The following IGSF10 variants were observed in gnomAD, a reference collection of about 807,000 sequenced individuals.
IGSF10 encodes the protein immunoglobulin superfamily member 10.
Under a neutral mutation model 128.2 loss-of-function variants are expected in IGSF10, and 126 were observed. The observed-to-expected ratio is 0.98, with a 90% CI of 0.85 to 1.14. The LOEUF (loss-of-function observed/expected upper bound fraction) is 1.14, where lower values mean the gene tolerates loss of function less well. Ranked by LOEUF, IGSF10 falls within the 50% of genes most tolerant of loss-of-function variation. The pLI, the probability that IGSF10 is intolerant of heterozygous loss-of-function variation, is 0.00. For synonymous variants in IGSF10, 1,185 were observed against 1,146.2 expected (o/e 1.03, Z -0.68); for missense variants, 3,295 against 3,149.8 (o/e 1.05, Z -1.10).
At chr3:151,496,281 T>C in the IGSF10 span, among the ~76,000 whole-genome samples, 1 of 151,692 alleles carries the variant, frequency 6.6e-6, no homozygotes, top group African/African-American at 2.4e-5. Context: ...ATGTGCCATG[T>C]TGGTGTGCTG....
chr3:151,572,441 A>C, the IGSF10 span, among the ~76,000 whole-genome samples: 17 of 152,104 alleles, frequency 1.1e-4, no homozygotes, highest in Non-Finnish European at 1.9e-4. Flanking sequence ...TTCTTGGTTT[A>C]GTCTTGGGAA....
intron 7 of IGSF10, among the ~76,000 whole-genome samples, chr3:151,442,710 G>C (rs1323532141): frequency 6.6e-6 from 1 of 151,964 alleles, no homozygotes; most frequent in Non-Finnish European, 1.5e-5. Context: ...TTTTAAAACT[G>C]TGCCAAGTAT....
At chr3:151,443,968 A>G in intron 6 of IGSF10, 84 bp from the exon 7 acceptor site, 1 of 1,072,394 alleles carries the variant, frequency 9.3e-7, no homozygotes, top group Non-Finnish European at 1.3e-6. Flanking sequence ...TGGGCTACTA[A>G]GAATACATTT....
At chr3:151,497,162 A>G in the IGSF10 span, among the ~76,000 whole-genome samples, 29 of 152,154 alleles carry the variant, frequency 1.9e-4, no homozygotes, top group African/African-American at 6.8e-4. Context: ...TTTGCTGTGC[A>G]GAAGCTCTTT....
chr3:151,434,805 A>G (rs1416929123), downstream of IGSF10: 1 of 152,250 alleles, frequency 6.6e-6, no homozygotes, highest in East Asian at 1.9e-4. Context: ...AATGAGTGTT[A>G]TAATTGCATA....
chr3:151,525,684 G>A, the IGSF10 span, among the ~76,000 whole-genome samples: 1 of 152,006 alleles, frequency 6.6e-6, no homozygotes, highest in East Asian at 1.9e-4. Context: ...CTATTGACTG[G>A]AGACTACCCT....
downstream of IGSF10, chr3:151,432,649 C>A (rs1288361418): frequency 2.4e-6 from 2 of 838,176 alleles, no homozygotes; most frequent in Non-Finnish European, 3.9e-6. Context: ...ATTCTGTTTC[C>A]CTGTACCTGC....
At chr3:151,501,353 T>C in the IGSF10 span, among the ~76,000 whole-genome samples, 130,211 of 151,986 alleles carry the variant, frequency 0.86, 55,999 homozygotes, top group Middle Eastern at 0.95. Flanking sequence ...CCTCTCTGAA[T>C]CTTTTTTATA....
the IGSF10 span, among the ~76,000 whole-genome samples, chr3:151,589,010 T>C: frequency 1.3e-5 from 2 of 152,326 alleles, no homozygotes; most frequent in Non-Finnish European, 2.9e-5. Context: ...TAGGAAGATA[T>C]AATTTAGAAA....
chr3:151,534,503 C>T, the IGSF10 span, among the ~76,000 whole-genome samples: 58 of 152,042 alleles, frequency 3.8e-4, 1 homozygote, highest in East Asian at 9.1e-3. Flanking sequence ...TGTCCTTTTC[C>T]GGGACATGGA....
the IGSF10 span, among the ~76,000 whole-genome samples, chr3:151,539,642 A>C: frequency 2.6e-5 from 4 of 152,254 alleles, no homozygotes; most frequent in East Asian, 7.7e-4. Context: ...ATCAATATGA[A>C]TCTGTAATCC....
chr3:151,447,483 A>G lies in IGSF10; in HGVS notation c.2498T>C (p.Met833Thr), dbSNP rs757796398. 1.1e-5 allele frequency: 18 copies of G among 1,614,062 alleles called. No homozygotes were observed. Among genetic ancestry groups the G allele is most frequent in the African/African-American group, 2.7e-5 (2 of 74,930 alleles). Reference sequence around the variant, plus strand: ...TTCTGTGCCATAATTTATGTTTGTCATAGGACTATCAGATATTGTTCTGGA... The same window carrying G: ...TTCTGTGCCATAATTTATGTTTGTCGTAGGACTATCAGATATTGTTCTGGA... ...ADSRTISDSP[M>T]TNINYGTEFS... Residue 833 changes from methionine (M) to threonine (T), a missense_variant, in exon 6 of 8, where the codon ATG (methionine) becomes ACG (threonine). Physicochemically the swap from Met to Thr is moderately conservative, Grantham distance 81. Coordinates refer to ENST00000282466, the MANE Select transcript of IGSF10 (RefSeq NM_178822.5).
chr3:151,574,867 T>C, the IGSF10 span, among the ~76,000 whole-genome samples: 2 of 152,232 alleles, frequency 1.3e-5, no homozygotes. Context: ...TATCTACCTT[T>C]GGTCTTTGAT....
chr3:151,469,328 G>A, the IGSF10 span, among the ~76,000 whole-genome samples: 1 of 152,138 alleles, frequency 6.6e-6, no homozygotes. Flanking sequence ...TTCCACAATG[G>A]CTGAAATAAT....
chr3:151,562,863 G>A, the IGSF10 span, among the ~76,000 whole-genome samples: 22 of 151,964 alleles, frequency 1.4e-4, no homozygotes, highest in African/African-American at 1.5e-4. Context: ...GGGAGTGGTC[G>A]GATGGACAGG....
In IGSF10 at chr3:151,436,665, T is replaced by G; in HGVS notation, c.*24A>C. On this transcript the variant is annotated 3_prime_UTR_variant, in exon 8 of 8. Coordinates refer to ENST00000282466, the MANE Select transcript of IGSF10 (RefSeq NM_178822.5). ...TTCCAAAAAATAAATTCTGCCCAGATGTTGTTGACTTTATTATTTCATGTC... is the reference window on the plus strand; with the variant it reads ...TTCCAAAAAATAAATTCTGCCCAGAGGTTGTTGACTTTATTATTTCATGTC... 2.0e-6 allele frequency: 3 copies of G among 1,503,750 alleles called. No individual in the cohort carries two copies. Among genetic ancestry groups the G allele is most frequent in the South Asian group, 2.5e-5 (2 of 79,022 alleles). The allele number at this position is 1,503,750 out of a possible 1,614,324, so 93.2% of individuals were successfully genotyped here. A position where few individuals can be genotyped will look rare whatever the true frequency, so the allele number is the denominator to read the frequency against.
chr3:151,459,517 C>T (rs1721953389), intron 2 of IGSF10, among the ~76,000 whole-genome samples: 1 of 152,190 alleles, frequency 6.6e-6, no homozygotes, highest in Non-Finnish European at 1.5e-5. Flanking sequence ...GCTGAGAGGG[C>T]TTGAGCCATG....
rs912869155 is a variant in IGSF10 at position 151,437,029 on chromosome 3, C to G, written c.7532G>C (p.Ser2511Thr). ...AACAGTAATCAGTGTATGACCAACA[C>G]TATTTTGAGCCTTACAGATATAGTT... ...RGNYICKAQN[S>T]VGHTLITVPV... Residue 2511 changes from serine (S) to threonine (T), a missense_variant, in exon 8 of 8, where the codon AGT (serine) becomes ACT (threonine). Transcript: ENST00000282466. 3 of 1,614,082 alleles carry G rather than the reference C, an allele frequency of 1.9e-6. No homozygotes were observed. The highest frequency in any genetic ancestry group is 2.7e-5 in the African/African-American group (2 of 74,942).
chr3:151,513,726 T>G, the IGSF10 span, among the ~76,000 whole-genome samples: 4 of 152,092 alleles, frequency 2.6e-5, no homozygotes, highest in Non-Finnish European at 4.4e-5. Flanking sequence ...AAAACCCCAT[T>G]GTCTCAGCCC....
Sources: gnomAD v4.1 joint callset for allele counts (sites outside exome capture counted in the v4.1 genomes callset) on GRCh38, gnomAD v4.1.1 for gene constraint, MANE v1.5 for transcripts, NCBI Gene and HGNC (gene_info 2026-07-23, HGNC 2026-07-21) for gene names.